The following CEP20 variants were observed in gnomAD, a reference collection of about 807,000 sequenced individuals.
CEP20 encodes FGFR1OP N-terminal like.
Under a neutral mutation model 20.0 loss-of-function variants are expected in CEP20, and 18 were observed. The ratio of observed to expected loss-of-function variants is 0.90; its 90% CI spans 0.62 to 1.34. The LOEUF is 1.34. Among genes scored for constraint, CEP20 ranks in the 40% most tolerant of loss-of-function variants. The probability of loss-of-function intolerance (pLI) is 0.00; values close to 1 mark genes in which losing one functional copy is unlikely to be tolerated. For synonymous variants in CEP20, 77 were observed against 73.7 expected (o/e 1.04, Z -0.23); for missense variants, 215 against 201.6 (o/e 1.07, Z -0.40).
chr16:15,871,584 G>A (rs2044821310), intron 4 of CEP20, among the ~76,000 whole-genome samples: 1 of 152,134 alleles, frequency 6.6e-6, no homozygotes, highest in Non-Finnish European at 1.5e-5. Context: ...TATGTGGAAA[G>A]GTATACGGGA....
Position 15,867,397 on chromosome 16 carries a change from T to C in CEP20, c.*43A>G, listed in dbSNP as rs916067425. 6.9e-7 allele frequency: 1 copy of C among 1,441,072 alleles called. No individual in the cohort carries two copies. The highest frequency in any genetic ancestry group is 9.5e-7 in the Non-Finnish European group (1 of 1,057,122). The allele number at this position is 1,441,072 out of a possible 1,614,324, so 89.3% of individuals were successfully genotyped here. Reference sequence around the variant, plus strand: ...TTGGGACAATAAATAAGTTATTTAATTAATAATACAATTTTAAGACAAAAG... The same window carrying C: ...TTGGGACAATAAATAAGTTATTTAACTAATAATACAATTTTAAGACAAAAG... On this transcript the variant is annotated 3_prime_UTR_variant, in exon 5 of 5. Transcript: ENST00000255759.
At chr16:15,884,593 C>T (rs754572814) in intron 1 of CEP20, among the ~76,000 whole-genome samples, 14 of 152,128 alleles carry the variant, frequency 9.2e-5, no homozygotes, top group Admixed American at 2.6e-4. Flanking sequence ...CCTCTGCCTC[C>T]CAGGTTCAAG....
chr16:15,882,248 C>T (rs916488562), intron 2 of CEP20, among the ~76,000 whole-genome samples: 1 of 152,156 alleles, frequency 6.6e-6, no homozygotes, highest in African/African-American at 2.4e-5. Context: ...GCCAAGTAAA[C>T]CTCTTTTCTT....
intron 4 of CEP20, among the ~76,000 whole-genome samples, chr16:15,871,164 G>A (rs1372880306): frequency 6.6e-6 from 1 of 152,110 alleles, no homozygotes; most frequent in African/African-American, 2.4e-5. Context: ...TGGGAGGCAG[G>A]AGAATCACTT....
intron 1 of CEP20, among the ~76,000 whole-genome samples, chr16:15,887,341 G>A (rs2045269441): frequency 6.6e-6 from 1 of 152,138 alleles, no homozygotes; most frequent in Admixed American, 6.5e-5. Context: ...CACCAGCCCT[G>A]TCCCCAAATA....
intron 2 of CEP20, 112 bp downstream of exon 2, chr16:15,883,896 G>C: frequency 1.2e-6 from 1 of 835,816 alleles, no homozygotes; most frequent in South Asian, 1.9e-5. Context: ...TTGTGTCCCA[G>C]TCACCCAGAT....
Position 15,873,509 on chromosome 16 carries a change from T to C in CEP20, c.430A>G (p.Ser144Gly), listed in dbSNP as rs373360551. 4 of 1,613,790 alleles carry C rather than the reference T, an allele frequency of 2.5e-6. No individual in the cohort carries two copies. The highest frequency in any genetic ancestry group is 1.7e-5 in the Admixed American group (1 of 59,944). ...CTCATACCCATTGGCTTTCTTCTAC[T>C]AGGTTGTCTGCCAAGACTTGGGTCT... Reference protein sequence around the residue: ...PSDPSLGRQPSRRKPMDDHLR... With the variant: ...PSDPSLGRQPGRRKPMDDHLR... Residue 144 changes from serine (S) to glycine (G), a missense_variant, in exon 4 of 5, where the codon AGT becomes GGT. Physicochemically the swap from Ser to Gly is moderately conservative, Grantham distance 56. Transcript: ENST00000255759.
At position 15,866,424 on chromosome 16, in the gene CEP20, T is replaced by C. The variant is rs914950869; in HGVS notation, c.*1016A>G. The stretch of plus-strand genomic sequence containing the variant: ...TCGAACTTTTGCCAATCAGGAGCTG[T>C]CTATCATCATAGTCAGTTGTTTTCA... On this transcript the variant is annotated 3_prime_UTR_variant, in exon 5 of 5. Transcript: ENST00000255759. 1 of 152,222 alleles carries C rather than the reference T, an allele frequency of 6.6e-6. No homozygotes were observed. Among genetic ancestry groups the C allele is most frequent in the Admixed American group, 6.5e-5 (1 of 15,280 alleles). The allele number at this position is 152,222 out of a possible 1,614,324, so 9.4% of individuals were successfully genotyped here.
intron 2 of CEP20, among the ~76,000 whole-genome samples, chr16:15,881,972 C>T (rs12919059): frequency 0.5 from 76,529 of 151,882 alleles, 20,411 homozygotes; most frequent in African/African-American, 0.7. Context: ...CATGTTGCAA[C>T]GCACTCCCCA....
In CEP20 at chr16:15,879,788, TA is replaced by T; in HGVS notation, c.311+15del. On this transcript the variant is annotated intron_variant, in intron 3 of 4. Transcript: ENST00000255759. ...TCAATACAATATGTGGAAACTTCTT[TA>T]AAAAAATGTCTTACATTGTATTATC... 1 of 1,494,794 alleles carries T rather than the reference TA, an allele frequency of 6.7e-7. No homozygotes were observed. The highest frequency in any genetic ancestry group is 1.4e-5 in the African/African-American group (1 of 70,998). The allele number at this position is 1,494,794 out of a possible 1,614,324, so 92.6% of individuals were successfully genotyped here.
At chr16:15,883,232 A>G (rs2045153668) in intron 2 of CEP20, among the ~76,000 whole-genome samples, 1 of 152,046 alleles carries the variant, frequency 6.6e-6, no homozygotes, top group South Asian at 2.1e-4. Flanking sequence ...GCATGGAGGC[A>G]TGCACCTGTG....
At chr16:15,881,841 A>C (rs191377150) in intron 2 of CEP20, among the ~76,000 whole-genome samples, 42 of 152,282 alleles carry the variant, frequency 2.8e-4, no homozygotes, top group Admixed American at 9.2e-4. Flanking sequence ...TCAACAGATA[A>C]AGGGAATTTA....
At chr16:15,887,781 CA>C (rs1296794077) in intron 1 of CEP20, among the ~76,000 whole-genome samples, 1 of 152,076 alleles carries the variant, frequency 6.6e-6, no homozygotes, top group Non-Finnish European at 1.5e-5. Flanking sequence ...GCCAGGCCAG[CA>C]AACTTTTTGC....
chr16:15,878,684 G>A (rs1422516686), intron 3 of CEP20, among the ~76,000 whole-genome samples: 3 of 152,070 alleles, frequency 2.0e-5, no homozygotes, highest in African/African-American at 7.2e-5. Flanking sequence ...ATTTTTAGTA[G>A]AGATGGGGTT....
At chr16:15,882,784 TAC>T (rs71388769) in intron 2 of CEP20, among the ~76,000 whole-genome samples, 3 of 149,750 alleles carry the variant, frequency 2.0e-5, no homozygotes, top group African/African-American at 7.4e-5. Flanking sequence ...TCTATCTAGA[TAC>T]ACACACACAC....
At chr16:15,880,542 T>C (rs1277024240) in intron 2 of CEP20, among the ~76,000 whole-genome samples, 2 of 152,168 alleles carry the variant, frequency 1.3e-5, no homozygotes, top group East Asian at 1.9e-4. Flanking sequence ...AGCCACACAA[T>C]AGAACAGTGT....
intron 4 of CEP20, among the ~76,000 whole-genome samples, chr16:15,872,831 T>C (rs1204982630): frequency 3.9e-5 from 6 of 152,040 alleles, no homozygotes; most frequent in African/African-American, 1.4e-4. Context: ...ACAGGCAATC[T>C]GAAAGAAATG....
intron 4 of CEP20, among the ~76,000 whole-genome samples, chr16:15,870,263 T>C (rs2044782086): frequency 6.6e-6 from 1 of 152,206 alleles, no homozygotes; most frequent in Admixed American, 6.5e-5. Context: ...TATTTTTCTT[T>C]ATGGGACTGA....
At chr16:15,876,523 C>A (rs1209633031) in intron 3 of CEP20, among the ~76,000 whole-genome samples, 1 of 151,972 alleles carries the variant, frequency 6.6e-6, no homozygotes, top group Admixed American at 6.6e-5. Context: ...TGGAGTGCAG[C>A]AGCAAGATCA....
Sources: gnomAD v4.1 joint callset for allele counts (sites outside exome capture counted in the v4.1 genomes callset) on GRCh38, gnomAD v4.1.1 for gene constraint, MANE v1.5 for transcripts, NCBI Gene and HGNC (gene_info 2026-07-23, HGNC 2026-07-21) for gene names.